Variants in ALK observed in about 807,000 individuals in gnomAD.
The protein encoded by ALK is ALK tyrosine kinase receptor.
ALK carries 74 observed loss-of-function variants against 163.1 expected under a neutral mutation model. The ratio of observed to expected loss-of-function variants is 0.45; its 90% CI spans 0.38 to 0.55. The LOEUF (loss-of-function observed/expected upper bound fraction) is 0.55, where lower values mean the gene tolerates loss of function less well. Among genes scored for constraint, ALK ranks in the 20% least tolerant of loss-of-function variants. The pLI, the probability that ALK is intolerant of heterozygous loss-of-function variation, is 0.00. For missense variants in ALK, 2,063 were observed against 2,105.3 expected (o/e 0.98, Z 0.39); for synonymous variants, 960 against 843.2 (o/e 1.14, Z -2.40).
intron 4 of ALK, among the ~76,000 whole-genome samples, chr2:29,431,553 A>T (rs189268153): frequency 6.6e-6 from 1 of 152,200 alleles, no homozygotes; most frequent in Non-Finnish European, 1.5e-5. Context: ...CCAGGCTTCT[A>T]TGCAAACCGC....
chr2:29,715,800 T>C lies in ALK; in HGVS notation c.787+1778A>G, dbSNP rs150137961. On this transcript the variant is annotated intron_variant, in intron 2 of 28. Coordinates refer to ENST00000389048, the MANE Select transcript of ALK (RefSeq NM_004304.5). ...TTCAATTATTTATAGATACTTGCCC[T>C]TATCATAAGATGACACTCAGTGTCT... Among the ~76,000 whole-genome samples the C allele has an allele frequency of 2.3e-3, 355 of 152,350 alleles. 1 individual carries two copies. Among genetic ancestry groups the C allele is most frequent in the African/African-American group, 8.2e-3 (339 of 41,586 alleles).
intron 4 of ALK, among the ~76,000 whole-genome samples, chr2:29,506,445 T>C (rs866563000): frequency 6.6e-6 from 1 of 152,044 alleles, no homozygotes; most frequent in African/African-American, 2.4e-5. Flanking sequence ...TTTTAGAAAA[T>C]ATGAGACTTA....
At chr2:29,880,879 T>C (rs1238107308) in intron 1 of ALK, among the ~76,000 whole-genome samples, 2 of 152,224 alleles carry the variant, frequency 1.3e-5, no homozygotes, top group African/African-American at 4.8e-5. Context: ...GAGCTGCTTT[T>C]CTGGCCTTTA....
intron 3 of ALK, among the ~76,000 whole-genome samples, chr2:29,671,725 G>T (rs1049646266): frequency 2.6e-5 from 4 of 151,924 alleles, no homozygotes; most frequent in Non-Finnish European, 5.9e-5. Flanking sequence ...GTGGTCCTGG[G>T]ACCTGTCTGA....
chr2:29,894,128 G>T (rs1050547057), intron 1 of ALK, among the ~76,000 whole-genome samples: 1 of 152,118 alleles, frequency 6.6e-6, no homozygotes, highest in Non-Finnish European at 1.5e-5. Flanking sequence ...TCTTATAATA[G>T]AAAATGATCA....
intron 1 of ALK, among the ~76,000 whole-genome samples, chr2:29,749,714 C>A (rs1255687636): frequency 6.6e-6 from 1 of 152,158 alleles, no homozygotes; most frequent in Admixed American, 6.5e-5. Flanking sequence ...CTGAGCCCAG[C>A]CATTTATTAG....
chr2:29,885,845 A>T (rs957032004), intron 1 of ALK, among the ~76,000 whole-genome samples: 1 of 152,230 alleles, frequency 6.6e-6, no homozygotes, highest in Non-Finnish European at 1.5e-5. Flanking sequence ...ACTAAAGTAC[A>T]TGGTGGAAGA....
intron 8 of ALK, among the ~76,000 whole-genome samples, chr2:29,306,109 C>G (rs1344597902): frequency 6.6e-6 from 1 of 152,242 alleles, no homozygotes; most frequent in African/African-American, 2.4e-5. Context: ...GTTGGGGACC[C>G]CTGGCCTACT....
chr2:29,507,112 T>G (rs1034760449), intron 4 of ALK, among the ~76,000 whole-genome samples: 1 of 152,180 alleles, frequency 6.6e-6, no homozygotes, highest in African/African-American at 2.4e-5. Context: ...AGTCAAATGT[T>G]GAAAGCAACT....
rs1213457595 is a variant in ALK, at chr2:29,337,625, T to C, written c.1283-9144A>G. On this transcript the variant is annotated intron_variant, in intron 5 of 28. Coordinates refer to ENST00000389048, the MANE Select transcript of ALK (RefSeq NM_004304.5). ...GTGCCACAGGCTCTCTGGGTGATAA[T>C]TGAGTACAGCCAAGTCTGAGAACCT... Among the ~76,000 whole-genome samples the C allele has an allele frequency of 7.9e-5, 12 of 152,098 alleles. 1 individual carries two copies. The highest frequency in any genetic ancestry group is 7.9e-4 in the Admixed American group (12 of 15,274).
intron 9 of ALK, among the ~76,000 whole-genome samples, chr2:29,291,351 G>C (rs1338728308): frequency 6.6e-6 from 1 of 152,094 alleles, no homozygotes; most frequent in South Asian, 2.1e-4. Flanking sequence ...GTGACAGAGT[G>C]AGGCCTTGTC....
intron 3 of ALK, among the ~76,000 whole-genome samples, chr2:29,672,023 T>C (rs1043871071): frequency 2.0e-5 from 3 of 151,282 alleles, no homozygotes; most frequent in Non-Finnish European, 4.4e-5. Flanking sequence ...TTGGCAATAA[T>C]AGTTTGGTAT....
At chr2:29,914,800 A>G (rs1178855637) in intron 1 of ALK, among the ~76,000 whole-genome samples, 1 of 152,196 alleles carries the variant, frequency 6.6e-6, no homozygotes, top group East Asian at 1.9e-4. Context: ...TGCTCTTTGT[A>G]ATCTGCACTT....
chr2:29,454,255 C>T (rs1204766722), intron 4 of ALK, among the ~76,000 whole-genome samples: 3 of 152,050 alleles, frequency 2.0e-5, no homozygotes, highest in African/African-American at 4.8e-5. Context: ...GTTCCAGGAC[C>T]CCCCTGTGGA....
In ALK at chr2:29,197,694, G is replaced by T; in HGVS notation, c.3939-18C>A. ...CAAAGGACCTGGGCATGGGACAGAG[G>T]ACATGGAGATGGATATAGACACACC... On this transcript the variant is annotated intron_variant, in intron 26 of 28. Transcript: ENST00000389048. 1.2e-6 allele frequency: 2 copies of T among 1,608,552 alleles called. No individual in the cohort carries two copies. Among genetic ancestry groups the T allele is most frequent in the African/African-American group, 1.3e-5 (1 of 74,796 alleles).
chr2:29,245,366 G>A (rs555706710), intron 12 of ALK, among the ~76,000 whole-genome samples: 170 of 137,134 alleles, frequency 1.2e-3, no homozygotes, highest in African/African-American at 4.2e-3. Flanking sequence ...GGGGCTCCAT[G>A]GCTCAGTGCC....
At chr2:29,602,305 G>T (rs183728942) in intron 3 of ALK, among the ~76,000 whole-genome samples, 1 of 152,208 alleles carries the variant, frequency 6.6e-6, no homozygotes, top group East Asian at 1.9e-4. Flanking sequence ...TTGGAGAAGA[G>T]ATTCTGCTCA....
chr2:29,328,782 T>A (rs1372888935), intron 5 of ALK, among the ~76,000 whole-genome samples: 1 of 152,158 alleles, frequency 6.6e-6, no homozygotes, highest in Admixed American at 6.5e-5. Context: ...TCGGGGGTCC[T>A]CAAACCCATG....
At chr2:29,518,525 C>T (rs537206652) in intron 4 of ALK, among the ~76,000 whole-genome samples, 10 of 152,292 alleles carry the variant, frequency 6.6e-5, no homozygotes, top group African/African-American at 9.6e-5. Context: ...TGGTTCCTAA[C>T]GGTGTCAACT....
Sources: allele counts gnomAD v4.1 joint callset (sites outside exome capture counted in the v4.1 genomes callset), GRCh38; gene constraint gnomAD v4.1.1; transcripts MANE v1.5; gene names NCBI Gene and HGNC (gene_info 2026-07-23, HGNC 2026-07-21).